ZNF618: variants seen among roughly 807,000 people sequenced by gnomAD.
ZNF618 encodes the protein neural precursor cell expressed, developmentally down-regulated 10.
Under a neutral mutation model 103.0 loss-of-function variants are expected in ZNF618, and 34 were observed. The ratio of observed to expected loss-of-function variants is 0.33; its 90% confidence interval spans 0.25 to 0.44. The LOEUF (loss-of-function observed/expected upper bound fraction) is 0.44. Ranked by LOEUF, ZNF618 falls within the 20% of genes least tolerant of loss-of-function variation. The pLI is 1.00. For missense variants in ZNF618, 1,059 were observed against 1,295.4 expected (o/e 0.82, Z 2.80); for synonymous variants, 551 against 542.2 (o/e 1.02, Z -0.23).
chr9:113,984,325 A>T (rs535656103), intron 2 of ZNF618, among the ~76,000 whole-genome samples: 1 of 152,286 alleles, frequency 6.6e-6, no homozygotes, highest in South Asian at 2.1e-4. Flanking sequence ...AGAGGTGAGG[A>T]TGTCATCATG....
intron 11 of ZNF618, 94 bp from the exon 12 acceptor site, chr9:114,032,551 A>G: frequency 8.7e-7 from 1 of 1,143,416 alleles, no homozygotes; most frequent in Non-Finnish European, 1.3e-6. Context: ...TTGGCCCAGC[A>G]GAGTCCTTGG....
chr9:113,939,130 T>C (rs1834318643), intron 1 of ZNF618, among the ~76,000 whole-genome samples: 1 of 152,208 alleles, frequency 6.6e-6, no homozygotes, highest in Non-Finnish European at 1.5e-5. Context: ...TTAAATAATA[T>C]GGTAGTGATA....
chr9:113,941,027 C>G (rs963920484), intron 1 of ZNF618, among the ~76,000 whole-genome samples: 1 of 152,072 alleles, frequency 6.6e-6, no homozygotes, highest in Non-Finnish European at 1.5e-5. Context: ...TTATTCCCCT[C>G]TTTTCTTTCT....
chr9:113,894,769 G>A (rs1055344442), intron 1 of ZNF618, among the ~76,000 whole-genome samples: 5 of 152,096 alleles, frequency 3.3e-5, no homozygotes, highest in Non-Finnish European at 7.4e-5. Flanking sequence ...ATTAATGTGG[G>A]TACATAGAAA....
chr9:114,033,499 C>T (rs1207490517), intron 12 of ZNF618, among the ~76,000 whole-genome samples: 4 of 152,122 alleles, frequency 2.6e-5, no homozygotes, highest in Non-Finnish European at 4.4e-5. Context: ...CTTCCAGCCC[C>T]TACCTGCTCA....
chr9:114,035,608 TGTC>T (rs1214187840), intron 12 of ZNF618, among the ~76,000 whole-genome samples: 1 of 83,640 alleles, frequency 1.2e-5, no homozygotes, highest in Non-Finnish European at 2.5e-5. Flanking sequence ...CTCTTCCTTC[TGTC>T]CTTCTCCCTC....
At position 114,054,700 on chromosome 9, in the gene ZNF618, T is replaced by G. The variant is rs1473789090; in HGVS notation, c.*4533T>G. 1.3e-5 allele frequency: 2 copies of G among 152,664 alleles called. No homozygotes were observed. Among genetic ancestry groups the G allele is most frequent in the African/African-American group, 4.8e-5 (2 of 41,446 alleles). The allele number at this position is 152,664 out of a possible 1,614,324, so 9.5% of individuals were successfully genotyped here. Reference sequence around the variant, plus strand: ...CAGTTATGGTGAACCAATGATACAGTGTTTTCCCTCTTAACGTTCCCCTCC... The same window carrying G: ...CAGTTATGGTGAACCAATGATACAGGGTTTTCCCTCTTAACGTTCCCCTCC... On this transcript the variant is annotated 3_prime_UTR_variant, in exon 15 of 15. Coordinates refer to ENST00000374126, the MANE Select transcript of ZNF618 (RefSeq NM_001318042.2).
Position 114,055,978 on chromosome 9 carries a change from A to G in ZNF618, c.*5811A>G, listed in dbSNP as rs1027409029. 5 of 152,092 alleles carry G rather than the reference A, an allele frequency of 3.3e-5. No individual in the cohort carries two copies. In the South Asian group the frequency reaches 1.0e-3, roughly 32 times the overall value. 9.4% of individuals were successfully genotyped at this position (152,092 alleles called of 1,614,324 possible). Reference sequence around the variant, plus strand: ...CCTGTGTACCATGTACTGTATTTAAAAAAAAAAAAAGTTACCTATTGTCAC... The same window carrying G: ...CCTGTGTACCATGTACTGTATTTAAGAAAAAAAAAAGTTACCTATTGTCAC... On this transcript the variant is annotated 3_prime_UTR_variant, in exon 15 of 15. Transcript: ENST00000374126.
chr9:113,952,404 G>A (rs1835859903), intron 1 of ZNF618, among the ~76,000 whole-genome samples: 1 of 152,146 alleles, frequency 6.6e-6, no homozygotes. Flanking sequence ...TCCCCACTGG[G>A]TGTCTGTCCA....
intron 13 of ZNF618, among the ~76,000 whole-genome samples, chr9:114,046,797 C>A (rs1269108237): frequency 6.6e-6 from 1 of 152,096 alleles, no homozygotes; most frequent in Non-Finnish European, 1.5e-5. Flanking sequence ...TTGAGATGAC[C>A]ATGTGATTTT....
At chr9:113,911,053 T>TG (rs1341316288) in intron 1 of ZNF618, among the ~76,000 whole-genome samples, 1 of 152,198 alleles carries the variant, frequency 6.6e-6, no homozygotes, top group East Asian at 1.9e-4. Flanking sequence ...AGGCTGGTCT[T>TG]GAATTCCTGA....
At chr9:113,950,862 T>A (rs546718228) in intron 1 of ZNF618, among the ~76,000 whole-genome samples, 24 of 149,268 alleles carry the variant, frequency 1.6e-4, no homozygotes, top group Non-Finnish European at 3.1e-4. Flanking sequence ...GGGAGGAGAG[T>A]TGGCCAGGCA....
intron 1 of ZNF618, among the ~76,000 whole-genome samples, chr9:113,930,359 C>T (rs771080094): frequency 5.9e-5 from 9 of 152,292 alleles, no homozygotes; most frequent in Non-Finnish European, 1.3e-4. Context: ...AAATCATAGT[C>T]CCAGTTCTAC....
chr9:113,907,874 C>T (rs1831130190), intron 1 of ZNF618, among the ~76,000 whole-genome samples: 1 of 152,208 alleles, frequency 6.6e-6, no homozygotes, highest in Non-Finnish European at 1.5e-5. Context: ...GGATTCCCCT[C>T]CTTCCCATGA....
rs1489241869 is a variant in ZNF618, at chr9:114,032,635, C to T, written c.1085-10C>T. ...CATTGTTTTCTTTCTCTCTCCTGTC[C>T]CCCACCCAGCAGAAAGCGCTTTCAG... On this transcript the variant is annotated splice_polypyrimidine_tract_variant and intron_variant, in intron 11 of 14. Coordinates refer to ENST00000374126, the MANE Select transcript of ZNF618 (RefSeq NM_001318042.2). The T allele has an allele frequency of 6.2e-7, 1 of 1,613,624 alleles. No individual in the cohort carries two copies. The highest frequency in any genetic ancestry group is 8.5e-7 in the Non-Finnish European group (1 of 1,179,544).
intron 1 of ZNF618, among the ~76,000 whole-genome samples, chr9:113,903,330 C>T (rs1186439271): frequency 6.6e-6 from 1 of 152,190 alleles, no homozygotes; most frequent in Non-Finnish European, 1.5e-5. Flanking sequence ...GTCCTGGTGA[C>T]AGTGGAGTAT....
intron 9 of ZNF618, among the ~76,000 whole-genome samples, chr9:114,012,601 GA>G (rs1210362873): frequency 2.6e-5 from 4 of 152,168 alleles, no homozygotes; most frequent in African/African-American, 9.7e-5. Context: ...AACAGAATAA[GA>G]AAGCAAAGAG....
chr9:113,993,352 C>G (rs143054799), intron 3 of ZNF618, among the ~76,000 whole-genome samples: 1 of 152,248 alleles, frequency 6.6e-6, no homozygotes, highest in Admixed American at 6.5e-5. Context: ...CAGAATCCTT[C>G]TCAACACAGT....
chr9:113,904,205 T>C (rs1309749628), intron 1 of ZNF618, among the ~76,000 whole-genome samples: 1 of 151,748 alleles, frequency 6.6e-6, no homozygotes, highest in East Asian at 1.9e-4. Context: ...TAACCTATTC[T>C]TAATACTACC....
Sources: gnomAD v4.1 joint callset for allele counts (sites outside exome capture counted in the v4.1 genomes callset) on GRCh38, gnomAD v4.1.1 for gene constraint, MANE v1.5 for transcripts, NCBI Gene and HGNC (gene_info 2026-07-23, HGNC 2026-07-21) for gene names.